Variants in RBM4B observed in about 807,000 individuals in gnomAD.
The protein encoded by RBM4B is RNA-binding protein 4B.
In RBM4B, 13 loss-of-function variants were observed where a neutral mutation model predicts 28.5. That is an observed-to-expected ratio of 0.46 (90% confidence interval 0.30 to 0.72). RBM4B has a LOEUF of 0.72. Among genes scored for constraint, RBM4B ranks in the 30% least tolerant of loss-of-function variants. RBM4B has a pLI of 0.09. For missense variants in RBM4B, 387 were observed against 477.6 expected, an observed-to-expected ratio of 0.81 and a Z score of 1.77; for synonymous variants, 167 against 179.1, an observed-to-expected ratio of 0.93 and a Z score of 0.54.
intron 3 of RBM4B, chr11:66,665,987 C>A: frequency 6.7e-7 from 1 of 1,483,046 alleles, no homozygotes. Context: ...TGGCGAATTG[C>A]ACTATTCTAA....
intron 2 of RBM4B, chr11:66,670,899 C>T: frequency 1.4e-6 from 1 of 702,542 alleles, no homozygotes; most frequent in Non-Finnish European, 2.6e-6. Flanking sequence ...ACAAATCCCC[C>T]CTCTGCAATC....
At chr11:66,677,231 A>G (rs1470002143) in intron 1 of RBM4B, 140 bp from the exon 2 acceptor site, 1 of 1,121,686 alleles carries the variant, frequency 8.9e-7, no homozygotes, top group East Asian at 2.5e-5. Context: ...CCTCAATAGA[A>G]GAAGGGCGGT....
chr11:66,677,180 C>T (rs1337607647), intron 1 of RBM4B, 89 bp from the exon 2 acceptor site: 1 of 1,471,504 alleles, frequency 6.8e-7, no homozygotes, highest in Admixed American at 2.0e-5. Flanking sequence ...CTCCAAAGTT[C>T]TTGCACCTTC....
At chr11:66,668,473 G>A (rs571984221) in intron 3 of RBM4B, 142 bp downstream of exon 3, 8 of 645,864 alleles carry the variant, frequency 1.2e-5, no homozygotes, top group Middle Eastern at 4.3e-4. Flanking sequence ...CTAAGCTAGA[G>A]AAATATTGAA....
intron 1 of RBM4B, 57 bp from the exon 2 acceptor site, chr11:66,677,148 A>T: frequency 6.4e-7 from 1 of 1,568,652 alleles, no homozygotes; most frequent in Non-Finnish European, 8.7e-7. Context: ...ATTTCGGTGC[A>T]CTGCAGCATT....
rs569502634 is a variant in RBM4B at position 66,666,058 on chromosome 11, T to G, written c.*10-480A>C. The G allele has an allele frequency of 2.8e-5, 32 of 1,145,446 alleles. No individual in the cohort carries two copies. The Admixed American group carries it at 6.6e-4, about 23-fold the overall frequency. The allele number at this position is 1,145,446 out of a possible 1,614,324, so 71.0% of individuals were successfully genotyped here. A position where few individuals can be genotyped will look rare whatever the true frequency, so the allele number is the denominator to read the frequency against. ...TTTCAGAAATGATGGTCACAAGGGG[T>G]AGGATATCAAGGAGCAGCCAGTCAT... On this transcript the variant is annotated intron_variant, in intron 3 of 3. Transcript: ENST00000310046.
rs1200896485 is a variant in RBM4B, at chr11:66,669,031, G to A, written c.673C>T (p.Arg225Trp). The change falls in exon 3 of 4, where the codon CGG (arginine) becomes TGG (tryptophan). Residue 225 changes from arginine (R) to tryptophan (W), a missense_variant. By Grantham distance (101) the Arg-to-Trp change is moderately radical. Transcript: ENST00000310046. ...YGALDYYKRY[R>W]VRSYEAVAAA... Reference sequence around the variant, plus strand: ...GCTACTGCCTCATAAGAGCGGACCCGGTATCGCTTATAGTAGTCGAGTGCT... The same window carrying A: ...GCTACTGCCTCATAAGAGCGGACCCAGTATCGCTTATAGTAGTCGAGTGCT... 5 of 1,614,170 alleles carry A rather than the reference G, an allele frequency of 3.1e-6. No homozygotes were observed. The highest frequency in any genetic ancestry group is 2.2e-5 in the East Asian group (1 of 44,882).
intron 2 of RBM4B, chr11:66,676,364 T>G: frequency 3.8e-6 from 2 of 525,284 alleles, no homozygotes; most frequent in Non-Finnish European, 6.7e-6. Context: ...TCTCATGAGG[T>G]ACTCGTTTCC....
At position 66,674,472 on chromosome 11, in the gene RBM4B, C is replaced by G. The variant is rs544375993; in HGVS notation, c.412+2196G>C. On this transcript the variant is annotated intron_variant, in intron 2 of 3. Coordinates refer to ENST00000310046, the MANE Select transcript of RBM4B (RefSeq NM_031492.4). The stretch of plus-strand genomic sequence containing the variant: ...CTCAATCTCTGACCTCGTGATCCCC[C>G]CGCCTTGGCCTCCCAAAGTGCTGGG... Among the ~76,000 whole-genome samples, 92 of 152,182 alleles carry G rather than the reference C, an allele frequency of 6.0e-4. 1 individual carries two copies. The highest frequency in any genetic ancestry group is 3.4e-3 in the Middle Eastern group (1 of 294).
At chr11:66,667,219 C>T (rs1195865374) in intron 3 of RBM4B, 1 of 152,164 alleles carries the variant, frequency 6.6e-6, no homozygotes, top group Non-Finnish European at 1.5e-5. Context: ...GTCATAATGC[C>T]ATTTCCACTC....
intron 2 of RBM4B, among the ~76,000 whole-genome samples, chr11:66,671,940 G>C (rs933292444): frequency 7.9e-5 from 12 of 151,884 alleles, no homozygotes; most frequent in Non-Finnish European, 1.6e-4. Context: ...GCAGAGATGG[G>C]GTTTCACCAT....
chr11:66,674,601 G>A (rs780138183), intron 2 of RBM4B, among the ~76,000 whole-genome samples: 5 of 146,794 alleles, frequency 3.4e-5, no homozygotes, highest in Admixed American at 1.4e-4. Flanking sequence ...AAGGAGTCTC[G>A]CTGTTGCCCA....
At chr11:66,672,418 A>AC (rs1327926831) in intron 2 of RBM4B, among the ~76,000 whole-genome samples, 2 of 150,760 alleles carry the variant, frequency 1.3e-5, no homozygotes, top group Non-Finnish European at 3.0e-5. Flanking sequence ...AAAAAAAAAA[A>AC]AAAAAAAAAA....
In RBM4B at chr11:66,668,724, T is replaced by A. The variant is rs1165114505; in HGVS notation, c.980A>T (p.Glu327Val). 6.2e-7 allele frequency: 1 copy of A among 1,613,936 alleles called. No homozygotes were observed. Among genetic ancestry groups the A allele is most frequent in the Non-Finnish European group, 8.5e-7 (1 of 1,179,914 alleles). ...TGTAGCTGCGGAAGCCTGAGATAAT[T>A]CACTCTCTGGCCCATAACCGTAGCC... ...GEGYGYGPES[E>V]LSQASAATRN... The change falls in exon 3 of 4, where the codon GAA becomes GTA. Residue 327 changes from glutamate to valine, a missense_variant. By Grantham distance (121) the Glu-to-Val change is moderately radical. Coordinates refer to ENST00000310046, the MANE Select transcript of RBM4B (RefSeq NM_031492.4).
In RBM4B at chr11:66,677,026, A is replaced by G. The variant is rs1441346447; in HGVS notation, c.54T>C (p.Ile18=). The G allele has an allele frequency of 6.2e-7, 1 of 1,614,142 alleles. No individual in the cohort carries two copies. Among genetic ancestry groups the G allele is most frequent in the South Asian group, 1.1e-5 (1 of 91,078 alleles). Residue 18 remains isoleucine (I), a synonymous_variant, in exon 2 of 4, where the codon ATT becomes ATC. Transcript: ENST00000310046. ...TCCCATACTGCTCGAAGAGTGAGCG[A>G]ATCTCCTGCTCTGTAGCCTCCCGGG... The part of the protein sequence containing the change: ...NLPREATEQE[I]RSLFEQYGKV...
chr11:66,668,847 G>A lies in RBM4B; in HGVS notation c.857C>T (p.Ala286Val), dbSNP rs1320476778. 2 of 1,614,096 alleles carry A rather than the reference G, an allele frequency of 1.2e-6. No individual in the cohort carries two copies. The highest frequency in any genetic ancestry group is 1.7e-6 in the Non-Finnish European group (2 of 1,180,034). Residue 286 changes from alanine to valine, a missense_variant, in exon 3 of 4, where the codon GCT becomes GTT. Physicochemically the swap from Ala to Val is moderately conservative, Grantham distance 64. Coordinates refer to ENST00000310046, the MANE Select transcript of RBM4B (RefSeq NM_031492.4). The stretch of plus-strand genomic sequence containing the variant: ...GGTGGCTGCAGCAGCAGCCATAGCA[G>A]CTGAAGTGGCAGCAGCGCCAGAGTT... ...LPNSGAAATS[A>V]AMAAAAATTS...
At chr11:66,665,903 C>T (rs1417330498) in intron 3 of RBM4B, 1 of 1,535,418 alleles carries the variant, frequency 6.5e-7, no homozygotes, top group Non-Finnish European at 8.7e-7. Context: ...TAACAAAGGG[C>T]ATACATACAT....
intron 2 of RBM4B, among the ~76,000 whole-genome samples, chr11:66,674,246 T>TG (rs1420709470): frequency 6.7e-6 from 1 of 149,612 alleles, no homozygotes; most frequent in Non-Finnish European, 1.5e-5. Context: ...TTTTTTGAGA[T>TG]GGAGTCTTGC....
rs61741747 is a variant in RBM4B, at chr11:66,668,999, C to T, written c.705G>A (p.Ala235=). ...RVRSYEAVAA[A]AAASAYNYAE... ...CGTAGTTGTATGCAGAAGCCGCTGC[C>T]GCCGCTGCTACTGCCTCATAAGAGC... The change falls in exon 3 of 4, where the codon GCG becomes GCA. Residue 235 remains alanine, a synonymous_variant. Coordinates refer to ENST00000310046, the MANE Select transcript of RBM4B (RefSeq NM_031492.4). 1,312 of 1,614,160 alleles carry T rather than the reference C, an allele frequency of 8.1e-4. 11 individuals carry two copies. The African/African-American group carries it at 0.015, about 19-fold the overall frequency.
Sources: allele counts gnomAD v4.1 joint callset (sites outside exome capture counted in the v4.1 genomes callset), GRCh38; gene constraint gnomAD v4.1.1; transcripts MANE v1.5; gene names NCBI Gene and HGNC (gene_info 2026-07-23, HGNC 2026-07-21).